MSH3: variants seen among roughly 807,000 people sequenced by gnomAD.
MSH3 encodes mutS homolog 3.
In MSH3, 106 loss-of-function variants were observed where a neutral mutation model predicts 123.3. That is an observed-to-expected ratio of 0.86 (90% CI 0.73 to 1.01). MSH3 has a LOEUF of 1.01. Among genes scored for constraint, MSH3 ranks in the 50% least tolerant of loss-of-function variants. The probability of loss-of-function intolerance (pLI) is 0.00; values close to 1 mark genes in which losing one functional copy is unlikely to be tolerated. For missense variants in MSH3, 1,459 were observed against 1,347.6 expected (o/e 1.08, Z -1.29); for synonymous variants, 515 against 481.4 (o/e 1.07, Z -0.91).
At chr5:80,868,945 C>T (rs1240428092) in intron 22 of MSH3, among the ~76,000 whole-genome samples, 3 of 152,116 alleles carry the variant, frequency 2.0e-5, no homozygotes, top group Non-Finnish European at 2.9e-5. Flanking sequence ...ACCTCTTCCC[C>T]AACTTCTCCT....
chr5:80,787,698 T>C (rs982199507), intron 18 of MSH3, 26 bp downstream of exon 18: 1 of 1,410,014 alleles, frequency 7.1e-7, no homozygotes, highest in Admixed American at 1.7e-5. Flanking sequence ...TTTTCCTCTT[T>C]ATCAGTGCTT....
chr5:80,872,046 G>A (rs908033925), intron 22 of MSH3, among the ~76,000 whole-genome samples: 9 of 152,142 alleles, frequency 5.9e-5, no homozygotes, highest in Non-Finnish European at 1.0e-4. Context: ...TCCTAAGTGG[G>A]ATCTGGGTGG....
intron 20 of MSH3, among the ~76,000 whole-genome samples, chr5:80,821,883 G>A (rs564547550): frequency 5.8e-4 from 88 of 152,268 alleles, no homozygotes; most frequent in African/African-American, 2.1e-3. Context: ...AGGACTTGGG[G>A]GCTAATGTAA....
At chr5:80,701,546 C>T (rs1479414967) in intron 8 of MSH3, among the ~76,000 whole-genome samples, 2 of 152,182 alleles carry the variant, frequency 1.3e-5, no homozygotes, top group African/African-American at 4.8e-5. Flanking sequence ...TGTCTGTCCT[C>T]AGGATCTCTT....
In MSH3 at chr5:80,785,227, C is replaced by T. The variant is rs1458433139; in HGVS notation, c.2436-2338C>T. Among the ~76,000 whole-genome samples, 6 of 152,246 alleles carry T rather than the reference C, an allele frequency of 3.9e-5. No individual in the cohort carries two copies. The South Asian group carries it at 8.3e-4, about 21-fold the overall frequency. ...TATTGTCCGTTTGTTGTCTTTTTCA[C>T]GTTTTTGGATCATCTTTAAAAGGTC... On this transcript the variant is annotated intron_variant, in intron 17 of 23. Coordinates refer to ENST00000265081, the MANE Select transcript of MSH3 (RefSeq NM_002439.5).
rs1177449641 is a variant in MSH3, at chr5:80,743,611, G to C, written c.1654-895G>C. 6.6e-5 allele frequency among the ~76,000 whole-genome samples: 4 copies of C among 60,688 alleles called. 2 individuals are homozygous for C. The highest frequency in any genetic ancestry group is 2.5e-4 in the African/African-American group (4 of 16,086). 39.8% of individuals were successfully genotyped at this position (60,688 alleles called of 152,430 possible). A position where few individuals can be genotyped will look rare whatever the true frequency, so the allele number is the denominator to read the frequency against. On this transcript the variant is annotated intron_variant, in intron 11 of 23. Transcript: ENST00000265081. Reference sequence around the variant, plus strand: ...TGTAATCCCAGCACTTTGGGAGGCCGAGGCGGGCGGATCACGAGGTCAGGA... The same window carrying C: ...TGTAATCCCAGCACTTTGGGAGGCCCAGGCGGGCGGATCACGAGGTCAGGA...
intron 10 of MSH3, among the ~76,000 whole-genome samples, chr5:80,738,715 G>C (rs949545735): frequency 3.3e-5 from 5 of 152,094 alleles, no homozygotes; most frequent in Non-Finnish European, 5.9e-5. Context: ...GCTAGATTGT[G>C]GTTTCTTGAT....
rs923809918 is a variant in MSH3, at chr5:80,865,068, T to A, written c.3130+126T>A. The A allele has an allele frequency of 3.0e-6, 3 of 1,007,594 alleles. No individual in the cohort carries two copies. In the African/African-American group the frequency reaches 4.8e-5, roughly 16 times the overall value. 62.4% of individuals were successfully genotyped at this position (1,007,594 alleles called of 1,614,324 possible). A position where few individuals can be genotyped will look rare whatever the true frequency, so the allele number is the denominator to read the frequency against. On this transcript the variant is annotated intron_variant, in intron 22 of 23. Coordinates refer to ENST00000265081, the MANE Select transcript of MSH3 (RefSeq NM_002439.5). ...GTGAATGTGAGCTATAAATAACATT[T>A]GTCAGGATTCATTTTTGCTAAGCTT... is the stretch of plus-strand genomic sequence containing the variant.
In MSH3 at chr5:80,813,495, G is replaced by A. The variant is rs1469365401; in HGVS notation, c.2656-89G>A. ...TATTTATGCTACAAAGTAATGTTTT[G>A]CCTAATGCATTTCCACTTATGAGAT... On this transcript the variant is annotated intron_variant, in intron 19 of 23. Transcript: ENST00000265081. The A allele has an allele frequency of 6.9e-6, 9 of 1,299,236 alleles. No individual in the cohort carries two copies. The Admixed American group carries it at 8.6e-5, about 12-fold the overall frequency. 80.5% of individuals were successfully genotyped at this position (1,299,236 alleles called of 1,614,324 possible).
chr5:80,873,129 A>G lies in MSH3; in HGVS notation c.3144A>G (p.Gln1048=). ...TTTATTTCACAGGCGCAGCAGAACA[A>G]GTCCCTGATTTTGTCACCTTCCTTT... ...ESKLDPGAAE[Q]VPDFVTFLYQ... Residue 1048 remains glutamine (Q), a synonymous_variant, in exon 23 of 24, where the codon CAA becomes CAG. Coordinates refer to ENST00000265081, the MANE Select transcript of MSH3 (RefSeq NM_002439.5). The G allele has an allele frequency of 6.2e-7, 1 of 1,613,574 alleles. No individual in the cohort carries two copies. Among genetic ancestry groups the G allele is most frequent in the South Asian group, 1.1e-5 (1 of 91,066 alleles).
intron 2 of MSH3, among the ~76,000 whole-genome samples, chr5:80,662,611 G>T (rs1580544827): frequency 6.6e-6 from 1 of 152,086 alleles, no homozygotes; most frequent in East Asian, 1.9e-4. Context: ...CGGATCACCT[G>T]AGTTCAGGAG....
chr5:80,768,219 T>G, intron 14 of MSH3, 99 bp downstream of exon 14: 4 of 1,117,140 alleles, frequency 3.6e-6, no homozygotes, highest in Non-Finnish European at 5.5e-6. Context: ...AGAATAATAA[T>G]AGAAGTTGCA....
chr5:80,779,151 C>G, intron 17 of MSH3, among the ~76,000 whole-genome samples: 1 of 152,004 alleles, frequency 6.6e-6, no homozygotes, highest in East Asian at 1.9e-4. Context: ...CACCACTACA[C>G]CCAGCTAATT....
chr5:80,671,733 A>C (rs1288744626), intron 4 of MSH3, among the ~76,000 whole-genome samples: 2 of 152,196 alleles, frequency 1.3e-5, no homozygotes, highest in African/African-American at 4.8e-5. Context: ...TCAGGGAATC[A>C]CATGGTGCTT....
intron 23 of MSH3, among the ~76,000 whole-genome samples, chr5:80,874,958 T>G (rs1746280295): frequency 6.6e-6 from 1 of 152,250 alleles, no homozygotes; most frequent in Non-Finnish European, 1.5e-5. Context: ...CTAAAAGTGC[T>G]TATCACATCA....
chr5:80,837,635 A>G (rs1580080760), intron 20 of MSH3, among the ~76,000 whole-genome samples: 1 of 152,200 alleles, frequency 6.6e-6, no homozygotes, highest in East Asian at 1.9e-4. Context: ...GGCAAGGAAA[A>G]TGAAAGAAAA....
intron 8 of MSH3, among the ~76,000 whole-genome samples, chr5:80,724,492 G>A (rs1184054792): frequency 6.6e-6 from 1 of 152,130 alleles, no homozygotes; most frequent in African/African-American, 2.4e-5. Flanking sequence ...TCATGGGAGT[G>A]AGATGATAAA....
chr5:80,684,248 C>T (rs1279433334), intron 8 of MSH3, among the ~76,000 whole-genome samples: 2 of 152,084 alleles, frequency 1.3e-5, no homozygotes, highest in Non-Finnish European at 2.9e-5. Context: ...ATAGGGATTG[C>T]GTTGAATCTG....
intron 10 of MSH3, among the ~76,000 whole-genome samples, chr5:80,733,547 A>C (rs1321980292): frequency 6.6e-6 from 1 of 152,116 alleles, no homozygotes; most frequent in Non-Finnish European, 1.5e-5. Flanking sequence ...AATCCACTGA[A>C]TAGAAGAATT....
Sources: gnomAD v4.1 joint callset for allele counts (sites outside exome capture counted in the v4.1 genomes callset) on GRCh38, gnomAD v4.1.1 for gene constraint, MANE v1.5 for transcripts, NCBI Gene and HGNC (gene_info 2026-07-23, HGNC 2026-07-21) for gene names.